Variants in EYS observed in about 807,000 individuals in gnomAD.
The protein encoded by EYS is protein eyes shut homolog.
A neutral mutation model predicts 282.1 loss-of-function variants in EYS; 250 were observed. The observed-to-expected ratio is 0.89, with a 90% CI of 0.80 to 0.98. The LOEUF (loss-of-function observed/expected upper bound fraction) is 0.98, where lower values mean the gene tolerates loss of function less well. EYS is among the 50% of genes least tolerant of loss of function. The pLI, the probability that EYS is intolerant of heterozygous loss-of-function variation, is 0.00. For missense variants in EYS, 4,016 were observed against 3,709.0 expected, an observed-to-expected ratio of 1.08 and a Z score of -2.15; for synonymous variants, 1,355 against 1,282.9, an observed-to-expected ratio of 1.06 and a Z score of -1.20.
At chr6:63,825,008 G>A (rs1453146259) in intron 36 of EYS, among the ~76,000 whole-genome samples, 1 of 152,172 alleles carries the variant, frequency 6.6e-6, no homozygotes, top group Non-Finnish European at 1.5e-5. Flanking sequence ...AATCTGGCAA[G>A]TTTTCAAGCC....
At chr6:64,241,059 T>G (rs1384729811) in intron 30 of EYS, among the ~76,000 whole-genome samples, 1 of 152,160 alleles carries the variant, frequency 6.6e-6, no homozygotes, top group Non-Finnish European at 1.5e-5. Flanking sequence ...GGTTTATTGA[T>G]TTGTGTATTT....
At chr6:65,353,765 C>T in intron 8 of EYS, 148 bp from the exon 9 acceptor site, 1 of 640,560 alleles carries the variant, frequency 1.6e-6, no homozygotes, top group East Asian at 2.8e-5. Context: ...TTTATTTCTT[C>T]TATTTCTTTA....
chr6:63,939,258 G>A (rs1394774291), intron 35 of EYS, among the ~76,000 whole-genome samples: 5 of 151,892 alleles, frequency 3.3e-5, no homozygotes, highest in African/African-American at 1.2e-4. Context: ...GGGTACTAGA[G>A]GATTGAGATT....
In EYS at chr6:65,498,020, C is replaced by A. The variant is rs192942090; in HGVS notation, c.-332-2027G>T. On this transcript the variant is annotated intron_variant, in intron 2 of 42. Coordinates refer to ENST00000503581, the MANE Select transcript of EYS (RefSeq NM_001142800.2). ...TAATGAAGACTAATTAGTACAGAGG[C>A]AATACAAATATAACACTCGTGAAGT... Among the ~76,000 whole-genome samples, 60 of 152,030 alleles carry A rather than the reference C, an allele frequency of 3.9e-4. No homozygotes were observed. The East Asian group carries it at 0.011, about 28-fold the overall frequency.
chr6:64,030,088 A>T (rs549673878), intron 33 of EYS, among the ~76,000 whole-genome samples: 2 of 152,240 alleles, frequency 1.3e-5, no homozygotes, highest in East Asian at 3.9e-4. Flanking sequence ...CAAGAAGGAA[A>T]GAGGGAAAGA....
chr6:64,296,610 T>A (rs1769036197), intron 30 of EYS, among the ~76,000 whole-genome samples: 1 of 11,916 alleles, frequency 8.4e-5, no homozygotes, highest in East Asian at 1.6e-3. Flanking sequence ...TTTTTTTTTT[T>A]TTTTTTTTTT....
intron 29 of EYS, among the ~76,000 whole-genome samples, chr6:64,350,966 G>C (rs1196818622): frequency 6.6e-6 from 1 of 151,378 alleles, no homozygotes; most frequent in Non-Finnish European, 1.5e-5. Flanking sequence ...CTTGTCTCCT[G>C]CTGCCATGTG....
intron 40 of EYS, among the ~76,000 whole-genome samples, chr6:63,763,843 T>C (rs1769710771): frequency 6.8e-6 from 1 of 146,440 alleles, no homozygotes; most frequent in East Asian, 2.0e-4. Flanking sequence ...AAATAAATAA[T>C]ATTTGAGATT....
chr6:64,963,671 G>A (rs1045446075), intron 14 of EYS, among the ~76,000 whole-genome samples: 13 of 152,198 alleles, frequency 8.5e-5, no homozygotes, highest in South Asian at 2.1e-4. Context: ...TTAGCTATTC[G>A]TAGTGATAGA....
chr6:64,597,660 G>A (rs1452260085), intron 24 of EYS, among the ~76,000 whole-genome samples: 4 of 149,850 alleles, frequency 2.7e-5, no homozygotes, highest in Non-Finnish European at 5.9e-5. Flanking sequence ...TAAATAATGT[G>A]TACATATGGA....
chr6:63,875,013 A>G (rs1581920843), intron 35 of EYS, among the ~76,000 whole-genome samples: 1 of 152,170 alleles, frequency 6.6e-6, no homozygotes, highest in East Asian at 1.9e-4. Context: ...ACTATGTTGA[A>G]TAGGAGTGAT....
At chr6:63,883,883 C>T (rs977929470) in intron 35 of EYS, among the ~76,000 whole-genome samples, 1 of 152,184 alleles carries the variant, frequency 6.6e-6, no homozygotes, top group African/African-American at 2.4e-5. Flanking sequence ...ATGTTATTTC[C>T]TGAGAAGAGC....
chr6:64,986,713 T>C (rs2150119900), intron 14 of EYS, among the ~76,000 whole-genome samples: 1 of 151,504 alleles, frequency 6.6e-6, no homozygotes, highest in East Asian at 1.9e-4. Context: ...TTTTGCACAT[T>C]ATATTTCTTC....
At chr6:65,230,308 GA>G (rs374449241) in intron 12 of EYS, among the ~76,000 whole-genome samples, 4 of 151,608 alleles carry the variant, frequency 2.6e-5, no homozygotes, top group African/African-American at 9.7e-5. Context: ...ATCCAATAAA[GA>G]AAAAAATAAA....
At chr6:64,493,456 T>C (rs976787595) in intron 26 of EYS, among the ~76,000 whole-genome samples, 5 of 151,522 alleles carry the variant, frequency 3.3e-5, no homozygotes, top group African/African-American at 1.2e-4. Context: ...TGTAGAACAT[T>C]TGGCTAAATG....
chr6:65,442,795 T>C, intron 5 of EYS, among the ~76,000 whole-genome samples: 1 of 132,216 alleles, frequency 7.6e-6, no homozygotes, highest in Non-Finnish European at 1.7e-5. Flanking sequence ...AAAAAATATA[T>C]AGACACACAC....
chr6:64,400,810 C>T (rs1773517135), intron 28 of EYS, among the ~76,000 whole-genome samples: 1 of 151,972 alleles, frequency 6.6e-6, no homozygotes, highest in Non-Finnish European at 1.5e-5. Context: ...GTATGTAAAA[C>T]TCTCTTGAGG....
chr6:64,102,598 A>G (rs1223619001), intron 31 of EYS, among the ~76,000 whole-genome samples: 2 of 152,114 alleles, frequency 1.3e-5, no homozygotes, highest in African/African-American at 4.8e-5. Context: ...TTCAAAATCT[A>G]ATTACTACAT....
intron 29 of EYS, among the ~76,000 whole-genome samples, chr6:64,369,499 C>T (rs530445700): frequency 7.2e-5 from 11 of 152,230 alleles, no homozygotes; most frequent in Non-Finnish European, 1.5e-4. Context: ...TTACTTTAGG[C>T]AGTATGACCA....
Sources: gnomAD v4.1 joint callset for allele counts (sites outside exome capture counted in the v4.1 genomes callset) on GRCh38, gnomAD v4.1.1 for gene constraint, MANE v1.5 for transcripts, NCBI Gene and HGNC (gene_info 2026-07-23, HGNC 2026-07-21) for gene names.